The following PCM1 variants were observed in gnomAD, a reference collection of about 807,000 sequenced individuals.
PCM1 encodes pericentriolar material 1.
Under a neutral mutation model 241.9 loss-of-function variants are expected in PCM1, and 157 were observed. The observed-to-expected ratio is 0.65, with a 90% confidence interval of 0.57 to 0.74. PCM1 has a LOEUF of 0.74. PCM1 is among the 30% of genes least tolerant of loss of function. PCM1 has a pLI of 0.00. For synonymous variants in PCM1, 1,085 were observed against 784.9 expected, an observed-to-expected ratio of 1.38 and a Z score of -6.39; for missense variants, 3,478 against 2,360.1, an observed-to-expected ratio of 1.47 and a Z score of -9.81.
intron 29 of PCM1, among the ~76,000 whole-genome samples, chr8:18,003,612 T>C (rs1192973003): frequency 6.6e-6 from 1 of 152,122 alleles, no homozygotes; most frequent in Non-Finnish European, 1.5e-5. Flanking sequence ...ATCATAATTA[T>C]TTGTATCTCC....
intron 26 of PCM1, among the ~76,000 whole-genome samples, chr8:17,986,577 G>T (rs2082676523): frequency 6.6e-6 from 1 of 151,338 alleles, no homozygotes; most frequent in African/African-American, 2.4e-5. Context: ...GAGTAAAAAG[G>T]ACCTGGAAAT....
chr8:18,005,360 T>A (rs7828062), intron 29 of PCM1, among the ~76,000 whole-genome samples: 2 of 149,428 alleles, frequency 1.3e-5, no homozygotes, highest in African/African-American at 4.9e-5. Context: ...TGTTGTTGTT[T>A]TTTTTTTTTT....
chr8:17,950,870 A>C (rs1446465913), intron 8 of PCM1, 146 bp downstream of exon 8: 1 of 623,188 alleles, frequency 1.6e-6, no homozygotes, highest in Non-Finnish European at 2.8e-6. Context: ...CCCACCTTCA[A>C]AATTACGATT....
intron 29 of PCM1, among the ~76,000 whole-genome samples, chr8:17,996,098 T>A (rs184837003): frequency 6.6e-6 from 1 of 152,216 alleles, no homozygotes; most frequent in African/African-American, 2.4e-5. Flanking sequence ...AAAGTGGACA[T>A]CCTTGTTGTG....
chr8:17,960,082 A>G lies in PCM1; in HGVS notation c.2109A>G (p.Glu703=), dbSNP rs1265368916. 1.9e-6 allele frequency: 3 copies of G among 1,610,982 alleles called. No individual in the cohort carries two copies. The highest frequency in any genetic ancestry group is 1.7e-6 in the Non-Finnish European group (2 of 1,178,116). Residue 703 remains glutamate, a synonymous_variant, in exon 14 of 39, where the codon GAA becomes GAG. Coordinates refer to ENST00000325083, the MANE Select transcript of PCM1 (RefSeq NM_006197.4). ...ATTTGGATGATTTCTACCCAGCAGA[A>G]GAAGACACCAAGCAAAATTCAAATA... is the stretch of plus-strand genomic sequence containing the variant. ...ASNLDDFYPA[E]EDTKQNSNNT...
chr8:18,020,011 G>C (rs1233379760), intron 36 of PCM1, among the ~76,000 whole-genome samples: 2 of 152,172 alleles, frequency 1.3e-5, no homozygotes, highest in Admixed American at 6.5e-5. Flanking sequence ...TTCTCTGCTG[G>C]CTTCCCCCTT....
intron 29 of PCM1, 175 bp from the exon 30 acceptor site, chr8:18,006,088 A>G: frequency 1.8e-6 from 1 of 566,380 alleles, no homozygotes. Context: ...AATACGTATG[A>G]ATAAAGTAGG....
intron 1 of PCM1, among the ~76,000 whole-genome samples, chr8:17,923,808 C>G (rs1315795086): frequency 6.6e-6 from 1 of 152,086 alleles, no homozygotes; most frequent in African/African-American, 2.4e-5. Context: ...TTCTTTCTCC[C>G]TTCCTACCTA....
rs761607271 is a variant in PCM1 at position 17,985,614 on chromosome 8, T to C, written c.4276T>C (p.Leu1426=). The C allele has an allele frequency of 7.5e-6, 12 of 1,603,036 alleles. No homozygotes were observed. The highest frequency in any genetic ancestry group is 5.1e-5 in the Admixed American group (3 of 58,858). Residue 1426 remains leucine, a synonymous_variant, in exon 25 of 39, where the codon TTG becomes CTG. Transcript: ENST00000325083. ...CTTGAGACAGAGGGCTTTATATGCA[T>C]TGCAGGTATCTGGTACCTAACATAA... ...DYLRQRALYA[L]QDIVSRHISE...
At chr8:17,939,066 T>G in intron 5 of PCM1, 57 bp downstream of exon 5, 3 of 1,571,266 alleles carry the variant, frequency 1.9e-6, no homozygotes, top group South Asian at 1.1e-5. Flanking sequence ...ATACCAACAG[T>G]AAGGTTTAGA....
chr8:17,974,283 C>T (rs182166260), intron 23 of PCM1, among the ~76,000 whole-genome samples: 146 of 152,272 alleles, frequency 9.6e-4, no homozygotes, highest in Middle Eastern at 3.4e-3. Context: ...GAGACAGGGC[C>T]GTTAGGCAAC....
chr8:18,015,266 C>A (rs948966992), intron 36 of PCM1, among the ~76,000 whole-genome samples: 3 of 136,984 alleles, frequency 2.2e-5, no homozygotes, highest in Admixed American at 7.1e-5. Context: ...AAAAAAAAAA[C>A]TAGGAAATCT....
chr8:17,949,154 T>A (rs2065042869), intron 7 of PCM1, among the ~76,000 whole-genome samples: 1 of 152,202 alleles, frequency 6.6e-6, no homozygotes, highest in Non-Finnish European at 1.5e-5. Context: ...TCATACTATT[T>A]CAAAAAGAAT....
chr8:17,943,478 C>G (rs372534102), intron 6 of PCM1, among the ~76,000 whole-genome samples: 2 of 152,116 alleles, frequency 1.3e-5, no homozygotes, highest in African/African-American at 2.4e-5. Context: ...TGAATAGTGA[C>G]AAGCGAAATT....
chr8:18,017,139 A>AAAAAC (rs767668679), intron 36 of PCM1, among the ~76,000 whole-genome samples: 1 of 145,514 alleles, frequency 6.9e-6, no homozygotes, highest in Non-Finnish European at 1.5e-5. Context: ...AAGATGCTAC[A>AAAAAC]AAAACAACTG....
intron 28 of PCM1, among the ~76,000 whole-genome samples, chr8:17,993,158 T>C (rs1436262087): frequency 6.6e-6 from 1 of 152,088 alleles, no homozygotes; most frequent in African/African-American, 2.4e-5. Flanking sequence ...CATGAAGTCT[T>C]TGCCTAAGCC....
intron 5 of PCM1, 148 bp downstream of exon 5, chr8:17,939,157 T>G (rs1252089379): frequency 1.4e-6 from 1 of 692,988 alleles, no homozygotes; most frequent in East Asian, 2.8e-5. Context: ...CTGCCAGATT[T>G]ACTTAAAATA....
At chr8:17,940,161 A>C (rs184359257) in intron 6 of PCM1, 2 of 1,477,116 alleles carry the variant, frequency 1.4e-6, no homozygotes, top group Non-Finnish European at 1.8e-6. Context: ...ATACCACGGT[A>C]AGCGGCTTTT....
chr8:17,965,970 A>G (rs2129469564), intron 18 of PCM1, 29 bp from the exon 19 acceptor site: 1 of 1,532,394 alleles, frequency 6.5e-7, no homozygotes, highest in East Asian at 2.3e-5. Context: ...ATTATGTATG[A>G]TGACTTAATG....
Sources: allele counts gnomAD v4.1 joint callset (sites outside exome capture counted in the v4.1 genomes callset), GRCh38; gene constraint gnomAD v4.1.1; transcripts MANE v1.5; gene names NCBI Gene and HGNC (gene_info 2026-07-23, HGNC 2026-07-21).